MED13L: variants seen among roughly 807,000 people sequenced by gnomAD.
The protein encoded by MED13L is mediator of RNA polymerase II transcription subunit 13-like.
Under a neutral mutation model 220.9 loss-of-function variants are expected in MED13L, and 7 were observed. The ratio of observed to expected loss-of-function variants is 0.03; its 90% CI spans 0.02 to 0.06. MED13L has a LOEUF of 0.06. Ranked by LOEUF, MED13L falls within the 10% of genes least tolerant of loss-of-function variation. The probability of loss-of-function intolerance (pLI) is 1.00; values close to 1 mark genes in which losing one functional copy is unlikely to be tolerated. For missense variants in MED13L, 1,965 were observed against 2,760.5 expected (o/e 0.71, Z 6.46); for synonymous variants, 1,011 against 1,015.2 (o/e 1.00, Z 0.08).
chr12:116,164,203 T>C (rs534123157), intron 2 of MED13L, among the ~76,000 whole-genome samples: 1 of 152,144 alleles, frequency 6.6e-6, no homozygotes, highest in African/African-American at 2.4e-5. Flanking sequence ...CCAAGACACA[T>C]GAAAGTGCAT....
At chr12:115,987,780 G>A (rs913317540) in intron 17 of MED13L, among the ~76,000 whole-genome samples, 7 of 152,140 alleles carry the variant, frequency 4.6e-5, no homozygotes, top group Non-Finnish European at 1.0e-4. Context: ...TGAAGAGAAG[G>A]CCAATCTTCA....
intron 2 of MED13L, among the ~76,000 whole-genome samples, chr12:116,191,253 G>C (rs1336972210): frequency 1.3e-5 from 2 of 152,064 alleles, no homozygotes; most frequent in African/African-American, 4.8e-5. Flanking sequence ...AGTTTATTAA[G>C]TACATTGGTG....
chr12:116,009,260 A>G (rs992879177), intron 9 of MED13L, 128 bp from the exon 10 acceptor site: 6 of 833,428 alleles, frequency 7.2e-6, no homozygotes, highest in Non-Finnish European at 1.1e-5. Context: ...TTTTAATTAT[A>G]CTTATATAAC....
intron 7 of MED13L, 135 bp downstream of exon 7, chr12:116,019,089 G>T: frequency 1.2e-6 from 1 of 828,008 alleles, no homozygotes. Context: ...TCTCCATTTT[G>T]TAATATCCTT....
chr12:116,215,928 G>T (rs545191119), intron 2 of MED13L, among the ~76,000 whole-genome samples: 1 of 152,238 alleles, frequency 6.6e-6, no homozygotes, highest in East Asian at 1.9e-4. Context: ...AGACTCTCAA[G>T]AGATCCACTA....
At chr12:115,965,710 A>G (rs1259451058) in intron 29 of MED13L, among the ~76,000 whole-genome samples, 2 of 152,220 alleles carry the variant, frequency 1.3e-5, no homozygotes, top group Non-Finnish European at 2.9e-5. Context: ...AGTCCCTGGC[A>G]GGGGAAGAAG....
At chr12:116,049,371 C>G (rs1882020428) in intron 4 of MED13L, among the ~76,000 whole-genome samples, 1 of 152,084 alleles carries the variant, frequency 6.6e-6, no homozygotes. Context: ...TTTTTATTAG[C>G]CAAAACACCC....
At chr12:116,168,900 TATTA>T (rs1411499169) in intron 2 of MED13L, 2 of 152,210 alleles carry the variant, frequency 1.3e-5, no homozygotes, top group Non-Finnish European at 2.9e-5. Context: ...AATATCTACT[TATTA>T]ATTCATTTAA....
chr12:116,006,203 G>T, intron 12 of MED13L, 103 bp downstream of exon 12: 1 of 1,252,012 alleles, frequency 8.0e-7, no homozygotes, highest in Non-Finnish European at 1.1e-6. Flanking sequence ...AAGATGAGAT[G>T]AAATTCTTAT....
At chr12:116,033,700 C>T (rs1310133407) in intron 4 of MED13L, among the ~76,000 whole-genome samples, 4 of 152,186 alleles carry the variant, frequency 2.6e-5, no homozygotes, top group Non-Finnish European at 4.4e-5. Flanking sequence ...CCCTAGATAT[C>T]AGGATTTTAA....
intron 4 of MED13L, among the ~76,000 whole-genome samples, chr12:116,052,072 C>T (rs1868552001): frequency 9.9e-6 from 1 of 100,774 alleles, no homozygotes; most frequent in Non-Finnish European, 2.7e-5. Context: ...TACTTACCTA[C>T]ACACATACAC....
At chr12:116,010,313 C>G (rs746717077) in intron 9 of MED13L, among the ~76,000 whole-genome samples, 9 of 152,212 alleles carry the variant, frequency 5.9e-5, no homozygotes, top group Non-Finnish European at 1.2e-4. Context: ...AACGTCTCAT[C>G]AGAAAGTATC....
chr12:116,141,398 C>T (rs1235324436), intron 2 of MED13L, among the ~76,000 whole-genome samples: 1 of 152,026 alleles, frequency 6.6e-6, no homozygotes, highest in Non-Finnish European at 1.5e-5. Context: ...CAGATAGCTT[C>T]ATATATAAAA....
chr12:116,069,061 C>T (rs1870175935), intron 4 of MED13L, among the ~76,000 whole-genome samples: 1 of 152,188 alleles, frequency 6.6e-6, no homozygotes. Flanking sequence ...CGCAGAGCCT[C>T]TATCTCATTC....
Position 115,982,365 on chromosome 12 carries a change from T to C in MED13L, c.5175+19A>G. On this transcript the variant is annotated intron_variant, in intron 22 of 30. Coordinates refer to ENST00000281928, the MANE Select transcript of MED13L (RefSeq NM_015335.5). ...AAATAACAACATCAAAAGTAAATAA[T>C]AAACTTGCAAACAGTAACCTGGAGA... The C allele has an allele frequency of 1.3e-6, 2 of 1,586,460 alleles. No individual in the cohort carries two copies. The highest frequency in any genetic ancestry group is 1.3e-5 in the African/African-American group (1 of 74,376).
At chr12:116,000,530 C>T (rs1047011414) in intron 14 of MED13L, among the ~76,000 whole-genome samples, 10 of 152,192 alleles carry the variant, frequency 6.6e-5, no homozygotes, top group African/African-American at 2.4e-4. Context: ...GTTCTCCTCA[C>T]CCCAGAGCAC....
chr12:116,033,060 G>T (rs899667752), intron 4 of MED13L, among the ~76,000 whole-genome samples: 1 of 151,598 alleles, frequency 6.6e-6, no homozygotes, highest in Admixed American at 6.6e-5. Context: ...TAGGACTGTG[G>T]TGTATGAGTT....
At position 116,113,583 on chromosome 12, in the gene MED13L, A is replaced by T. The variant is rs551001278; in HGVS notation, c.311-2071T>A. Among the ~76,000 whole-genome samples the T allele has an allele frequency of 2.7e-5, 4 of 150,496 alleles. No individual in the cohort carries two copies. In the South Asian group the frequency reaches 8.5e-4, roughly 32 times the overall value. ...GGCGAGAGTATTGCTTGAGCCTAGC[A>T]GGGTCAAGGTTGCGGCAAGCCATGA... On this transcript the variant is annotated intron_variant, in intron 2 of 30. Coordinates refer to ENST00000281928, the MANE Select transcript of MED13L (RefSeq NM_015335.5).
intron 2 of MED13L, among the ~76,000 whole-genome samples, chr12:116,186,521 A>T (rs1880915374): frequency 6.6e-6 from 1 of 152,184 alleles, no homozygotes; most frequent in East Asian, 1.9e-4. Context: ...GAAGCCTTAA[A>T]ATATCATATT....
Sources: gnomAD v4.1 joint callset for allele counts (sites outside exome capture counted in the v4.1 genomes callset) on GRCh38, gnomAD v4.1.1 for gene constraint, MANE v1.5 for transcripts, NCBI Gene and HGNC (gene_info 2026-07-23, HGNC 2026-07-21) for gene names.